ERN1: variants seen among roughly 807,000 people sequenced by gnomAD.
ERN1 encodes the protein serine/threonine-protein kinase/endoribonuclease IRE1.
Under a neutral mutation model 113.1 loss-of-function variants are expected in ERN1, and 39 were observed. The ratio of observed to expected loss-of-function variants is 0.34; its 90% confidence interval spans 0.27 to 0.45. ERN1 has a LOEUF of 0.45. Among genes scored for constraint, ERN1 ranks in the 20% least tolerant of loss-of-function variants. ERN1 has a pLI of 1.00. For missense variants in ERN1, 976 were observed against 1,274.8 expected (o/e 0.77, Z 3.57); for synonymous variants, 507 against 515.9 (o/e 0.98, Z 0.23).
rs1310303876 is a variant in ERN1 at position 64,041,252 on chromosome 17, T to C, written c.*2736A>G. 1 of 152,078 alleles carries C rather than the reference T, an allele frequency of 6.6e-6. No homozygotes were observed. The highest frequency in any genetic ancestry group is 6.5e-5 in the Admixed American group (1 of 15,274). 9.4% of individuals were successfully genotyped at this position (152,078 alleles called of 1,614,324 possible). The stretch of plus-strand genomic sequence containing the variant: ...CCAAGAGAGGTTTAGTAAGACAAGA[T>C]TTAAATAAGTCATAGTGTCCTTTGG... On this transcript the variant is annotated 3_prime_UTR_variant, in exon 22 of 22. Coordinates refer to ENST00000433197, the MANE Select transcript of ERN1 (RefSeq NM_001433.5).
intron 18 of ERN1, among the ~76,000 whole-genome samples, chr17:64,048,719 C>T (rs529381013): frequency 6.6e-6 from 1 of 152,188 alleles, no homozygotes; most frequent in South Asian, 2.1e-4. Flanking sequence ...ATTTGTCTTC[C>T]CAAATGCCAG....
In ERN1 at chr17:64,079,709, CA is replaced by C. The variant is rs1293425730; in HGVS notation, c.234del (p.Asn78LysfsTer16). ...CTTCCAAGCGTATACAGGCTGCCAT[CA>C]TTAGGATCTGGGAGAAAGGCAGGCC... ...VEEPAFLPDP[N>X]DGSLYTLGSK... is the part of the protein sequence containing the mutation. On this transcript the variant is annotated frameshift_variant, in exon 4 of 22. Coordinates refer to ENST00000433197, the MANE Select transcript of ERN1 (RefSeq NM_001433.5). LOFTEE classifies it high-confidence loss of function. The C allele has an allele frequency of 6.2e-7, 1 of 1,613,730 alleles. No individual in the cohort carries two copies. Among genetic ancestry groups the C allele is most frequent in the East Asian group, 2.2e-5 (1 of 44,902 alleles).
At chr17:64,102,400 CAAT>C (rs1914410876) in intron 1 of ERN1, among the ~76,000 whole-genome samples, 1 of 152,216 alleles carries the variant, frequency 6.6e-6, no homozygotes, top group Non-Finnish European at 1.5e-5. Flanking sequence ...CTGTCAATCA[CAAT>C]GTCTACAGAA....
intron 6 of ERN1, among the ~76,000 whole-genome samples, chr17:64,069,718 G>A (rs888496945): frequency 6.6e-6 from 1 of 152,172 alleles, no homozygotes. Context: ...TGCATGTTGG[G>A]TGGGGGATGG....
At chr17:64,097,705 T>A (rs1914267782) in intron 2 of ERN1, among the ~76,000 whole-genome samples, 1 of 152,208 alleles carries the variant, frequency 6.6e-6, no homozygotes, top group South Asian at 2.1e-4. Context: ...CAGCCCTCTA[T>A]TATTTCAGCC....
chr17:64,122,548 C>T (rs1253998125), intron 1 of ERN1, among the ~76,000 whole-genome samples: 53 of 152,272 alleles, frequency 3.5e-4, no homozygotes, highest in Non-Finnish European at 3.8e-4. Flanking sequence ...AAATTCCCTT[C>T]AAAGAATATA....
chr17:64,064,481 C>T (rs553764270), intron 9 of ERN1, among the ~76,000 whole-genome samples: 1 of 152,308 alleles, frequency 6.6e-6, no homozygotes, highest in African/African-American at 2.4e-5. Flanking sequence ...TCACAATCTA[C>T]GCAACCAATG....
intron 2 of ERN1, among the ~76,000 whole-genome samples, chr17:64,087,696 A>G (rs187193614): frequency 6.6e-6 from 1 of 152,300 alleles, no homozygotes; most frequent in East Asian, 1.9e-4. Context: ...TTATAAAATG[A>G]AAAGTTAAAA....
At position 64,049,164 on chromosome 17, in the gene ERN1, A is replaced by G; in HGVS notation, c.2292T>C (p.Phe764=). ...TVDIFSAGCV[F]YYVISEGSHP... ...GGCTGCCCTCAGAGATTACGTAGTA[A>G]AAGACGCAGCCTGCAGAAAAGATGT... is the stretch of plus-strand genomic sequence containing the variant. Residue 764 remains phenylalanine, a synonymous_variant, in exon 18 of 22, where the codon TTT becomes TTC. Coordinates refer to ENST00000433197, the MANE Select transcript of ERN1 (RefSeq NM_001433.5). This position sits in a 1 kb window ranked among gnomAD's most constrained non-coding sequence, Gnocchi z 4.7. 6.2e-7 allele frequency: 1 copy of G among 1,606,232 alleles called. No individual in the cohort carries two copies. The highest frequency in any genetic ancestry group is 8.5e-7 in the Non-Finnish European group (1 of 1,173,982).
intron 2 of ERN1, among the ~76,000 whole-genome samples, chr17:64,082,662 G>A (rs1343249190): frequency 6.6e-6 from 1 of 152,158 alleles, no homozygotes; most frequent in Non-Finnish European, 1.5e-5. Flanking sequence ...TGTTTGCTCA[G>A]TCACACAGAC....
Position 64,054,669 on chromosome 17 carries a change from C to G in ERN1, c.1763+69G>C. The G allele has an allele frequency of 1.5e-6, 2 of 1,307,944 alleles. No individual in the cohort carries two copies. 81.0% of individuals were successfully genotyped at this position (1,307,944 alleles called of 1,614,324 possible). On this transcript the variant is annotated intron_variant, in intron 14 of 21. Transcript: ENST00000433197. The surrounding 1 kb of genome is among the most constrained non-coding windows in gnomAD (Gnocchi z 4.9). ...ACCCTGCTGTGCTCTGAGCCTGGCA[C>G]CAGGCTCGCAACCTGACAGGCACTT...
intron 1 of ERN1, among the ~76,000 whole-genome samples, chr17:64,128,161 ATTTTTT>A (rs760752335): frequency 1.8e-3 from 229 of 126,390 alleles, no homozygotes; most frequent in African/African-American, 6.9e-3. Flanking sequence ...CGCCCGGCTA[ATTTTTT>A]TTTTTTTTTT....
In ERN1 at chr17:64,068,224, A is replaced by G. The variant is rs1913297966; in HGVS notation, c.546T>C (p.Tyr182=). 1 of 1,612,206 alleles carries G rather than the reference A, an allele frequency of 6.2e-7. No homozygotes were observed. The highest frequency in any genetic ancestry group is 8.5e-7 in the Non-Finnish European group (1 of 1,179,278). ...ELRWNATYFD[Y]AASLPEDDVD... ...CGTCGTCCTCAGGCAGTGAGGCCGC[A>G]TAGTCAAAGTAGGTGGCATTCCACC... Residue 182 remains tyrosine (Y), a synonymous_variant, in exon 7 of 22, where the codon TAT becomes TAC. Transcript: ENST00000433197.
rs1241541115 is a variant in ERN1, at chr17:64,044,532, G to A, written c.2721+328C>T. ...GAGTGTCCGTCCCAGTGGGGTCCCC[G>A]CATTTGAGGTATGTTTATACATGTT... On this transcript the variant is annotated intron_variant, in intron 21 of 21. Coordinates refer to ENST00000433197, the MANE Select transcript of ERN1 (RefSeq NM_001433.5). This position sits in a 1 kb window ranked among gnomAD's most constrained non-coding sequence, Gnocchi z 4.1. Among the ~76,000 whole-genome samples the A allele has an allele frequency of 3.9e-5, 6 of 152,136 alleles. No homozygotes were observed. Among genetic ancestry groups the A allele is most frequent in the African/African-American group, 1.4e-4 (6 of 41,430 alleles).
At position 64,064,110 on chromosome 17, in the gene ERN1, A is replaced by G. The variant is rs1002035694; in HGVS notation, c.963T>C (p.Thr321=). ...CCTTGTCCCCAATGGTGACGCCATC[A>G]GTCTGGGGCCCTTCCAGCAAAGGAA... ...STLPLLEGPQ[T]DGVTIGDKGE... is the part of the protein sequence containing the mutation. The change falls in exon 10 of 22, where the codon ACT becomes ACC. Residue 321 remains threonine (T), a synonymous_variant. Coordinates refer to ENST00000433197, the MANE Select transcript of ERN1 (RefSeq NM_001433.5). 9.3e-6 allele frequency: 15 copies of G among 1,609,850 alleles called. No homozygotes were observed. The highest frequency in any genetic ancestry group is 1.3e-5 in the African/African-American group (1 of 74,860).
chr17:64,095,693 A>G (rs1914211089), intron 2 of ERN1, among the ~76,000 whole-genome samples: 1 of 151,952 alleles, frequency 6.6e-6, no homozygotes, highest in African/African-American at 2.4e-5. Flanking sequence ...ACAGCTCCCA[A>G]TTTCCTGTTC....
chr17:64,064,532 G>A (rs1235195222), intron 9 of ERN1, among the ~76,000 whole-genome samples: 1 of 152,200 alleles, frequency 6.6e-6, no homozygotes, highest in Non-Finnish European at 1.5e-5. Context: ...TGCTGGCTCA[G>A]GTGCTGCTGG....
In ERN1 at chr17:64,098,179, A is replaced by C; in HGVS notation, c.117T>G (p.Asp39Glu). The C allele has an allele frequency of 6.2e-7, 1 of 1,613,984 alleles. No homozygotes were observed. The highest frequency in any genetic ancestry group is 8.5e-7 in the Non-Finnish European group (1 of 1,179,880). ...TCTTGCTGACAGCATGCAAACTTCCATCCAGCGTTGACACAAACAACAAGG... is the reference window on the plus strand; with the variant it reads ...TCTTGCTGACAGCATGCAAACTTCCCTCCAGCGTTGACACAAACAACAAGG... The part of the protein sequence containing the change: ...PETLLFVSTL[D>E]GSLHAVSKRT... Residue 39 changes from aspartate (D) to glutamate (E), a missense_variant, in exon 2 of 22, where the codon GAT becomes GAG. Around this residue, in one of 5 missense-constraint regions of ERN1, gnomAD observed 459 missense variants for 581.2 expected, o/e 0.79. Coordinates refer to ENST00000433197, the MANE Select transcript of ERN1 (RefSeq NM_001433.5).
At chr17:64,073,334 A>ATTT (rs775654259) in intron 5 of ERN1, among the ~76,000 whole-genome samples, 2,129 of 134,388 alleles carry the variant, frequency 0.016, 125 homozygotes, top group Admixed American at 0.022. Context: ...ACACCCAGCA[A>ATTT]ATTTTTTTTT....
Sources: allele counts gnomAD v4.1 joint callset (sites outside exome capture counted in the v4.1 genomes callset), GRCh38; gene constraint gnomAD v4.1.1; regional missense constraint gnomAD v4.1.1; non-coding constraint Gnocchi (gnomAD v3.1); transcripts MANE v1.5; gene names NCBI Gene and HGNC (gene_info 2026-07-23, HGNC 2026-07-21).